The following ISY1 variants were observed in gnomAD, a reference collection of about 807,000 sequenced individuals.
ISY1 encodes ISY1 spliceosome associated protein.
Under a neutral mutation model 54.4 loss-of-function variants are expected in ISY1, and 12 were observed. The ratio of observed to expected loss-of-function variants is 0.22; its 90% CI spans 0.14 to 0.36. ISY1 has a LOEUF of 0.36. ISY1 is among the 10% of genes least tolerant of loss of function. The pLI is 1.00. For missense variants in ISY1, 282 were observed against 342.2 expected (o/e 0.82, Z 1.39); for synonymous variants, 96 against 117.9 (o/e 0.81, Z 1.20).
chr3:129,146,072 C>T (rs1485060905), intron 5 of ISY1, among the ~76,000 whole-genome samples, 199 bp from the exon 6 acceptor site: 3 of 151,096 alleles, frequency 2.0e-5, no homozygotes, highest in African/African-American at 4.9e-5. Flanking sequence ...TTCCCACTAG[C>T]GTAAGAAAAA....
chr3:129,134,341 T>C (rs1576870598), intron 8 of ISY1, 146 bp from the exon 9 acceptor site: 4 of 1,451,202 alleles, frequency 2.8e-6, no homozygotes, highest in Middle Eastern at 1.8e-4. Flanking sequence ...TGGGTGGAAA[T>C]GGATGTGAAG....
rs1331931479 is a variant in ISY1 at position 129,129,247 on chromosome 3, A to G, written c.*834T>C. The G allele has an allele frequency of 6.6e-6, 1 of 152,254 alleles. No individual in the cohort carries two copies. Among genetic ancestry groups the G allele is most frequent in the Non-Finnish European group, 1.5e-5 (1 of 68,056 alleles). The allele number at this position is 152,254 out of a possible 1,614,324, so 9.4% of individuals were successfully genotyped here. A position where few individuals can be genotyped will look rare whatever the true frequency, so the allele number is the denominator to read the frequency against. ...CTGCAGAACAGGTTATAAAACAGGA[A>G]TAGCAAACTCAAATTCCTGCCACCC... On this transcript the variant is annotated 3_prime_UTR_variant, in exon 11 of 11. Transcript: ENST00000393295.
At chr3:129,154,047 C>A (rs910212157) in intron 5 of ISY1, among the ~76,000 whole-genome samples, 2 of 151,882 alleles carry the variant, frequency 1.3e-5, no homozygotes, top group Admixed American at 1.3e-4. Context: ...TCGAGACCAT[C>A]CTGGCTAACA....
At chr3:129,138,974 G>A (rs1936522060) in intron 7 of ISY1, among the ~76,000 whole-genome samples, 4 of 151,708 alleles carry the variant, frequency 2.6e-5, no homozygotes, top group Admixed American at 1.3e-4. Context: ...CTGCTCTGCT[G>A]CCCAGGCTGG....
At chr3:129,131,040 T>C (rs1936223034) in intron 9 of ISY1, among the ~76,000 whole-genome samples, 1 of 152,024 alleles carries the variant, frequency 6.6e-6, no homozygotes, top group Non-Finnish European at 1.5e-5. Context: ...TGCCTATGAG[T>C]CAATACAAAT....
Position 129,150,714 on chromosome 3 carries a change from T to C in ISY1, c.188-4841A>G, listed in dbSNP as rs1164787880. 2.6e-5 allele frequency among the ~76,000 whole-genome samples: 4 copies of C among 151,908 alleles called. No individual in the cohort carries two copies. In the East Asian group the frequency reaches 7.7e-4, roughly 29 times the overall value. ...ACTCCATCTCAAAAAAATAAATAAA[T>C]AAAATTAAAATTAAAAAGATTTATA... On this transcript the variant is annotated intron_variant, in intron 5 of 10. Transcript: ENST00000393295.
intron 3 of ISY1, among the ~76,000 whole-genome samples, chr3:129,158,148 T>G (rs1267482393): frequency 2.7e-5 from 4 of 150,642 alleles, no homozygotes; most frequent in South Asian, 4.2e-4. Context: ...CGTGAGTCAC[T>G]GCACCCTACT....
intron 5 of ISY1, among the ~76,000 whole-genome samples, chr3:129,155,562 G>C (rs527330490): frequency 6.6e-6 from 1 of 151,844 alleles, no homozygotes; most frequent in Non-Finnish European, 1.5e-5. Context: ...TTGACATTAC[G>C]TTTTCACTCT....
At chr3:129,159,824 T>C (rs1231023653) in intron 1 of ISY1, among the ~76,000 whole-genome samples, 1 of 152,204 alleles carries the variant, frequency 6.6e-6, no homozygotes, top group African/African-American at 2.4e-5. Context: ...TCATACCTCA[T>C]CTTACAGAGC....
At chr3:129,134,327 C>T in intron 8 of ISY1, 132 bp from the exon 9 acceptor site, 2 of 1,498,088 alleles carry the variant, frequency 1.3e-6, no homozygotes, top group Non-Finnish European at 1.8e-6. Context: ...TCATTCTGCC[C>T]CCGTGGGTGG....
chr3:129,158,369 G>T, intron 3 of ISY1, 139 bp downstream of exon 3: 2 of 1,171,824 alleles, frequency 1.7e-6, no homozygotes, highest in South Asian at 1.3e-5. Context: ...ATGTTGCCCA[G>T]ACTGGTCTCA....
intron 7 of ISY1, among the ~76,000 whole-genome samples, chr3:129,139,139 G>A (rs992937450): frequency 1.4e-4 from 22 of 152,070 alleles, no homozygotes; most frequent in African/African-American, 5.3e-4. Context: ...GTTTCACCAT[G>A]TTGGCCAGGC....
At chr3:129,144,132 TCTC>T (rs1308700842) in intron 6 of ISY1, 9 of 427,348 alleles carry the variant, frequency 2.1e-5, no homozygotes, top group Non-Finnish European at 3.8e-5. Context: ...AAAAATAAAA[TCTC>T]CACCACACAA....
intron 9 of ISY1, among the ~76,000 whole-genome samples, chr3:129,133,379 TGC>T (rs1936289259): frequency 6.6e-6 from 1 of 152,234 alleles, no homozygotes; most frequent in East Asian, 1.9e-4. Flanking sequence ...TTCTCTGCTC[TGC>T]GTTTCTTTCC....
At chr3:129,146,419 C>A (rs1417542481) in intron 5 of ISY1, among the ~76,000 whole-genome samples, 1 of 152,092 alleles carries the variant, frequency 6.6e-6, no homozygotes, top group Non-Finnish European at 1.5e-5. Flanking sequence ...GGGCATCACA[C>A]CACAGAGAAG....
intron 5 of ISY1, among the ~76,000 whole-genome samples, chr3:129,152,144 A>G (rs1936989790): frequency 6.6e-6 from 1 of 151,988 alleles, no homozygotes; most frequent in Non-Finnish European, 1.5e-5. Flanking sequence ...GGGTGACAAG[A>G]GCAAAACTCC....
At position 129,145,752 on chromosome 3, in the gene ISY1, T is replaced by C; in HGVS notation, c.300+9A>G. ...ACAAGACCCGCCACTGGGGCTGCCA[T>C]GTACTCACTCCATAATCAGGACCTC... On this transcript the variant is annotated intron_variant, in intron 6 of 10. Coordinates refer to ENST00000393295, the MANE Select transcript of ISY1 (RefSeq NM_020701.4). 1.2e-6 allele frequency: 2 copies of C among 1,613,590 alleles called. No homozygotes were observed. The highest frequency in any genetic ancestry group is 1.7e-4 in the Middle Eastern group (1 of 6,060).
At chr3:129,145,664 T>C in intron 6 of ISY1, 97 bp downstream of exon 6, 10 of 1,174,890 alleles carry the variant, frequency 8.5e-6, no homozygotes, top group Non-Finnish European at 1.2e-5. Context: ...GTTCATAGCT[T>C]TCCTGTATCA....
intron 8 of ISY1, 138 bp from the exon 9 acceptor site, chr3:129,134,333 G>A: frequency 6.8e-7 from 1 of 1,476,820 alleles, no homozygotes; most frequent in South Asian, 1.3e-5. Flanking sequence ...TGCCCCCGTG[G>A]GTGGAAATGG....
Sources: gnomAD v4.1 joint callset for allele counts (sites outside exome capture counted in the v4.1 genomes callset) on GRCh38, gnomAD v4.1.1 for gene constraint, MANE v1.5 for transcripts, NCBI Gene and HGNC (gene_info 2026-07-23, HGNC 2026-07-21) for gene names.